SLC9C1: variants seen among roughly 807,000 people sequenced by gnomAD.
The protein encoded by SLC9C1 is solute carrier family 9 member C1, also known as sodium/hydrogen exchanger 10.
SLC9C1 carries 97 observed loss-of-function variants against 140.9 expected under a neutral mutation model. The observed-to-expected ratio is 0.69, with a 90% CI of 0.58 to 0.82. The LOEUF (loss-of-function observed/expected upper bound fraction) is 0.82, where lower values mean the gene tolerates loss of function less well. SLC9C1 is among the 40% of genes least tolerant of loss of function. SLC9C1 has a pLI of 0.00. For synonymous variants in SLC9C1, 440 were observed against 442.6 expected (o/e 0.99, Z 0.07); for missense variants, 1,340 against 1,389.3 (o/e 0.96, Z 0.56).
intron 12 of SLC9C1, among the ~76,000 whole-genome samples, chr3:112,232,170 G>T (rs57172307): frequency 0.017 from 2,656 of 152,208 alleles, 81 homozygotes; most frequent in African/African-American, 0.06. Flanking sequence ...CCTCATGTTT[G>T]CATCACAAAA....
rs994061345 is a variant in SLC9C1 at position 112,269,213 on chromosome 3, G to C, written c.775+703C>G. ...CAGCCTCAAATTCCTGGGCTCAAGT[G>C]ATCCTCCCGCCTCAGGCTCCTGAGG... is the stretch of plus-strand genomic sequence containing the variant. On this transcript the variant is annotated intron_variant, in intron 7 of 28. Transcript: ENST00000305815. Among the ~76,000 whole-genome samples the C allele has an allele frequency of 2.0e-5, 3 of 152,134 alleles. 1 individual carries two copies. The highest frequency in any genetic ancestry group is 7.2e-5 in the African/African-American group (3 of 41,442).
At chr3:112,195,576 G>C in intron 20 of SLC9C1, among the ~76,000 whole-genome samples, 1 of 151,902 alleles carries the variant, frequency 6.6e-6, no homozygotes, top group East Asian at 1.9e-4. Context: ...TTTTAAAATA[G>C]TGAAACATTT....
At chr3:112,240,151 G>A in intron 11 of SLC9C1, 145 bp from the exon 12 acceptor site, 1 of 756,248 alleles carries the variant, frequency 1.3e-6, no homozygotes, top group East Asian at 2.8e-5. Context: ...GAATACTAAA[G>A]AGTTAAACAT....
chr3:112,283,476 C>G (rs904600077), intron 2 of SLC9C1, among the ~76,000 whole-genome samples: 8 of 63,210 alleles, frequency 1.3e-4, no homozygotes, highest in African/African-American at 5.8e-4. Context: ...AACCCTATCT[C>G]TAAAAAAAAA....
In SLC9C1 at chr3:112,262,854, AAAC is replaced by A. The variant is rs201088102; in HGVS notation, c.1197+67_1197+69del. The A allele has an allele frequency of 1.5e-5, 20 of 1,298,378 alleles. No homozygotes were observed. In the South Asian group the frequency reaches 2.0e-4, roughly 13 times the overall value. The allele number at this position is 1,298,378 out of a possible 1,614,324, so 80.4% of individuals were successfully genotyped here. ...GAAGTTGAGCTACCTCACTACAAAA[AAAC>A]ATATATTTTAAATACACAGTAATAG... On this transcript the variant is annotated intron_variant, in intron 10 of 28. Transcript: ENST00000305815.
chr3:112,144,999 G>A (rs2107836116), intron 28 of SLC9C1, among the ~76,000 whole-genome samples: 1 of 152,242 alleles, frequency 6.6e-6, no homozygotes, highest in African/African-American at 2.4e-5. Flanking sequence ...TAGTGGGAGT[G>A]GACATCCTTT....
chr3:112,251,325 C>T (rs778298424), intron 10 of SLC9C1, among the ~76,000 whole-genome samples: 28 of 152,122 alleles, frequency 1.8e-4, no homozygotes, highest in African/African-American at 4.6e-4. Flanking sequence ...TGACTGATTC[C>T]GGGCACCCAT....
intron 20 of SLC9C1, among the ~76,000 whole-genome samples, chr3:112,198,417 T>A (rs1397973694): frequency 3.3e-5 from 5 of 151,998 alleles, no homozygotes; most frequent in African/African-American, 4.8e-5. Flanking sequence ...TTTCTTTCTT[T>A]TTTTTCTTGA....
rs758312299 is a variant in SLC9C1 at position 112,249,913 on chromosome 3, TG to T, written c.1198-5838del. Among the ~76,000 whole-genome samples the T allele has an allele frequency of 5.3e-5, 8 of 152,140 alleles. No individual in the cohort carries two copies. In the South Asian group the frequency reaches 1.4e-3, roughly 28 times the overall value. ...CTTCTGGTTTCATCGATGTTTTCTATGTTTTTTTTTAAATTATACTTTAAGT... is the reference window on the plus strand; with the variant it reads ...CTTCTGGTTTCATCGATGTTTTCTATTTTTTTTTTAAATTATACTTTAAGT... On this transcript the variant is annotated intron_variant, in intron 10 of 28. Transcript: ENST00000305815.
intron 15 of SLC9C1, among the ~76,000 whole-genome samples, chr3:112,214,400 A>G (rs1052848455): frequency 1.3e-5 from 2 of 152,236 alleles, no homozygotes; most frequent in African/African-American, 4.8e-5. Context: ...AAACCGTTCA[A>G]AAAATCAATG....
chr3:112,146,969 C>T (rs1240850052), intron 28 of SLC9C1, among the ~76,000 whole-genome samples: 1 of 152,108 alleles, frequency 6.6e-6, no homozygotes, highest in Non-Finnish European at 1.5e-5. Flanking sequence ...TTTTATGAAC[C>T]TAGGTGCTCC....
intron 28 of SLC9C1, among the ~76,000 whole-genome samples, chr3:112,146,968 C>T (rs1483973062): frequency 2.0e-5 from 3 of 152,120 alleles, no homozygotes; most frequent in African/African-American, 7.2e-5. Flanking sequence ...GTTTTATGAA[C>T]CTAGGTGCTC....
intron 15 of SLC9C1, among the ~76,000 whole-genome samples, chr3:112,215,919 C>A (rs2078352917): frequency 6.6e-6 from 1 of 152,178 alleles, no homozygotes; most frequent in South Asian, 2.1e-4. Context: ...GCCAAAAGGA[C>A]AAAGCTGGAG....
intron 12 of SLC9C1, among the ~76,000 whole-genome samples, chr3:112,234,054 G>T (rs142996336): frequency 6.6e-6 from 1 of 152,208 alleles, no homozygotes; most frequent in African/African-American, 2.4e-5. Flanking sequence ...AGGAATTGCC[G>T]CACTGTCTTC....
intron 10 of SLC9C1, among the ~76,000 whole-genome samples, chr3:112,262,657 T>C (rs768112337): frequency 1.8e-4 from 27 of 151,916 alleles, no homozygotes; most frequent in Non-Finnish European, 4.0e-4. Context: ...CAATAAATAA[T>C]TAAAACATTA....
Position 112,200,703 on chromosome 3 carries a change from C to T in SLC9C1, c.2374+8G>A, listed in dbSNP as rs763794536. 1.2e-6 allele frequency: 2 copies of T among 1,606,858 alleles called. No homozygotes were observed. Among genetic ancestry groups the T allele is most frequent in the South Asian group, 1.1e-5 (1 of 89,604 alleles). ...ATGGTCATGCTAAATAGGATGAGAG[C>T]TACTTACCTAGCTCTTTTATAGCAT... On this transcript the variant is annotated splice_region_variant and intron_variant, in intron 19 of 28. Coordinates refer to ENST00000305815, the MANE Select transcript of SLC9C1 (RefSeq NM_183061.3).
chr3:112,287,119 C>T (rs756982944), intron 1 of SLC9C1, among the ~76,000 whole-genome samples: 2 of 152,104 alleles, frequency 1.3e-5, no homozygotes, highest in Non-Finnish European at 2.9e-5. Context: ...CACTTGTTAC[C>T]CACTCTGAAT....
chr3:112,203,723 C>A (rs1175076315), intron 17 of SLC9C1, among the ~76,000 whole-genome samples: 1 of 151,792 alleles, frequency 6.6e-6, no homozygotes, highest in Non-Finnish European at 1.5e-5. Flanking sequence ...AAAATAACCA[C>A]CCATAATATT....
chr3:112,143,556 A>G (rs913091743), intron 28 of SLC9C1, among the ~76,000 whole-genome samples: 1 of 152,016 alleles, frequency 6.6e-6, no homozygotes, highest in African/African-American at 2.4e-5. Context: ...GTGTCTGTCT[A>G]TGTCTTTCAT....
Sources: allele counts gnomAD v4.1 joint callset (sites outside exome capture counted in the v4.1 genomes callset), GRCh38; gene constraint gnomAD v4.1.1; transcripts MANE v1.5; gene names NCBI Gene and HGNC (gene_info 2026-07-23, HGNC 2026-07-21).